Variants in DNAJC13 observed in about 807,000 individuals in gnomAD.
DNAJC13 encodes DnaJ heat shock protein family (Hsp40) member C13.
In DNAJC13, 75 loss-of-function variants were observed where a neutral mutation model predicts 290.5. That is an observed-to-expected ratio of 0.26 (90% confidence interval 0.21 to 0.31). The LOEUF is 0.31. Ranked by LOEUF, DNAJC13 falls within the 10% of genes least tolerant of loss-of-function variation. The pLI is 1.00. For synonymous variants in DNAJC13, 862 were observed against 892.0 expected (o/e 0.97, Z 0.60); for missense variants, 2,260 against 2,674.5 (o/e 0.85, Z 3.42).
At chr3:132,429,974 C>T (rs1197774174) in intron 1 of DNAJC13, among the ~76,000 whole-genome samples, 2 of 152,162 alleles carry the variant, frequency 1.3e-5, no homozygotes, top group Non-Finnish European at 2.9e-5. Context: ...GGAACTTGTA[C>T]TGATGATATG....
At chr3:132,455,028 T>C (rs1281998543) in intron 9 of DNAJC13, among the ~76,000 whole-genome samples, 2 of 152,170 alleles carry the variant, frequency 1.3e-5, no homozygotes, top group African/African-American at 2.4e-5. Context: ...AAAAAAAGGT[T>C]GTTAGTTAGA....
At position 132,483,506 on chromosome 3, in the gene DNAJC13, C is replaced by G; in HGVS notation, c.3111C>G (p.Val1037=). Residue 1037 remains valine, a synonymous_variant, in exon 28 of 56, where the codon GTC becomes GTG. Transcript: ENST00000260818. ...GTCTCTTAGCCAGTGGACAGGCTGT[C>G]CTGAATGAAACTGACCTTGCTACCC... ...KWCLLASGQA[V]LNETDLATLI... 6.2e-7 allele frequency: 1 copy of G among 1,614,084 alleles called. No homozygotes were observed. The highest frequency in any genetic ancestry group is 8.5e-7 in the Non-Finnish European group (1 of 1,179,994).
At chr3:132,445,366 A>G (rs1239067861) in intron 2 of DNAJC13, among the ~76,000 whole-genome samples, 3 of 152,154 alleles carry the variant, frequency 2.0e-5, no homozygotes, top group Non-Finnish European at 4.4e-5. Flanking sequence ...GTGTATTACT[A>G]TTTTAAAATG....
chr3:132,500,846 G>A lies in DNAJC13; in HGVS notation c.4469G>A (p.Cys1490Tyr). 1.9e-6 allele frequency: 3 copies of A among 1,614,060 alleles called. No homozygotes were observed. Among genetic ancestry groups the A allele is most frequent in the South Asian group, 2.2e-5 (2 of 91,076 alleles). The part of the protein sequence containing the change: ...CYSVAAQFEE[C>Y]REKITEMPSI... Reference sequence around the variant, plus strand: ...AGTGTGGCTGCTCAGTTTGAGGAATGCCGAGAGAAGATCACGGAAATGCCT... The same window carrying A: ...AGTGTGGCTGCTCAGTTTGAGGAATACCGAGAGAAGATCACGGAAATGCCT... Residue 1490 changes from cysteine (C) to tyrosine (Y), a missense_variant, in exon 39 of 56, where the codon TGC (cysteine) becomes TAC (tyrosine). By Grantham distance (194) the Cys-to-Tyr change is radical. Transcript: ENST00000260818.
chr3:132,499,326 C>T lies in DNAJC13; in HGVS notation c.4341+16C>T. 6.4e-7 allele frequency: 1 copy of T among 1,560,284 alleles called. No homozygotes were observed. Among genetic ancestry groups the T allele is most frequent in the South Asian group, 1.2e-5 (1 of 84,330 alleles). Reference sequence around the variant, plus strand: ...TGGACTAGAGGTAATACGGAGTGACCTTTGTGCTTTTTAAGCCAGTTTACA... The same window carrying T: ...TGGACTAGAGGTAATACGGAGTGACTTTTGTGCTTTTTAAGCCAGTTTACA... On this transcript the variant is annotated intron_variant, in intron 37 of 55. Coordinates refer to ENST00000260818, the MANE Select transcript of DNAJC13 (RefSeq NM_015268.4).
intron 1 of DNAJC13, among the ~76,000 whole-genome samples, chr3:132,434,188 C>A (rs564927440): frequency 1.4e-5 from 2 of 147,142 alleles, no homozygotes; most frequent in African/African-American, 5.0e-5. Flanking sequence ...CCAGCCTGGG[C>A]GACAGTGCGA....
intron 36 of DNAJC13, among the ~76,000 whole-genome samples, chr3:132,498,739 G>A (rs1026972822): frequency 6.0e-5 from 9 of 149,450 alleles, no homozygotes; most frequent in African/African-American, 2.2e-4. Flanking sequence ...TTTTTGAGAC[G>A]GAGGCTTGCC....
At position 132,463,708 on chromosome 3, in the gene DNAJC13, G is replaced by A; in HGVS notation, c.1783G>A (p.Glu595Lys). 1.9e-6 allele frequency: 3 copies of A among 1,612,834 alleles called. No individual in the cohort carries two copies. Among genetic ancestry groups the A allele is most frequent in the Non-Finnish European group, 2.5e-6 (3 of 1,179,176 alleles). The change falls in exon 17 of 56, where the codon GAA becomes AAA. Residue 595 changes from glutamate (E) to lysine (K), a missense_variant. Transcript: ENST00000260818. ...MKAIIEEGDKEIATKMQELAL... is the reference protein window; with the variant it reads ...MKAIIEEGDKKIATKMQELAL... ...CCTTTTTCCAAAGGAAGGTGATAAAGAAATTGCTACAAAAATGCAGGAGCT... is the reference window on the plus strand; with the variant it reads ...CCTTTTTCCAAAGGAAGGTGATAAAAAAATTGCTACAAAAATGCAGGAGCT...
At position 132,511,132 on chromosome 3, in the gene DNAJC13, A is replaced by G; in HGVS notation, c.5181A>G (p.Thr1727=). The G allele has an allele frequency of 6.2e-7, 1 of 1,614,042 alleles. No homozygotes were observed. The highest frequency in any genetic ancestry group is 8.5e-7 in the Non-Finnish European group (1 of 1,179,942). ...GCTCGCAGGCCCAATACTTGCACAC[A>G]TTCATGGCCATCACACACGCGGCAA... ...YIGSQAQYLH[T]FMAITHAAKV... The change falls in exon 44 of 56, where the codon ACA becomes ACG. Residue 1727 remains threonine, a synonymous_variant. Coordinates refer to ENST00000260818, the MANE Select transcript of DNAJC13 (RefSeq NM_015268.4).
chr3:132,533,052 C>T (rs1369781174), intron 55 of DNAJC13, among the ~76,000 whole-genome samples: 7 of 131,478 alleles, frequency 5.3e-5, no homozygotes, highest in African/African-American at 2.2e-4. Flanking sequence ...AGACACCACA[C>T]CTGGCTTTTT....
At chr3:132,500,060 T>C (rs1222267330) in intron 38 of DNAJC13, among the ~76,000 whole-genome samples, 1 of 152,236 alleles carries the variant, frequency 6.6e-6, no homozygotes, top group East Asian at 1.9e-4. Flanking sequence ...TTGTGATCTG[T>C]TGGCTTACGT....
chr3:132,469,999 T>A (rs1934141327), intron 20 of DNAJC13, among the ~76,000 whole-genome samples: 1 of 125,068 alleles, frequency 8.0e-6, no homozygotes, highest in Non-Finnish European at 1.7e-5. Flanking sequence ...TTTTAATTTA[T>A]TTTTTTATTG....
rs766219756 is a variant in DNAJC13, at chr3:132,453,277, T to A, written c.538-21T>A. 7.5e-6 allele frequency: 12 copies of A among 1,607,502 alleles called. No individual in the cohort carries two copies. In the Admixed American group the frequency reaches 1.2e-4, roughly 16 times the overall value. The stretch of plus-strand genomic sequence containing the variant: ...TTCAGTTGTTTCAACTCTGACTTTT[T>A]AAATTTCTAAATTTGTGCAGCATTT... On this transcript the variant is annotated intron_variant, in intron 6 of 55. Coordinates refer to ENST00000260818, the MANE Select transcript of DNAJC13 (RefSeq NM_015268.4).
At chr3:132,485,437 G>A (rs756824280) in intron 29 of DNAJC13, among the ~76,000 whole-genome samples, 13 of 152,218 alleles carry the variant, frequency 8.5e-5, no homozygotes, top group Non-Finnish European at 1.6e-4. Context: ...ACTGCACCCA[G>A]CTATTTCACT....
intron 55 of DNAJC13, among the ~76,000 whole-genome samples, chr3:132,537,581 GAAATATAAGACTA>G (rs1242618528): frequency 2.0e-5 from 3 of 152,212 alleles, no homozygotes; most frequent in African/African-American, 7.2e-5. Context: ...AATCAAGGGA[GAAATATAAGACTA>G]AAATATCAGT....
intron 29 of DNAJC13, among the ~76,000 whole-genome samples, chr3:132,487,064 C>T (rs1269038785): frequency 1.3e-5 from 2 of 151,888 alleles, no homozygotes; most frequent in African/African-American, 2.4e-5. Context: ...CTGTATGTTT[C>T]CTTTTTAAAA....
rs10663131 is a variant in DNAJC13, at chr3:132,487,559, A to ATTTTTTTTTTTTTTTTTTTTTTT, written c.3268-719_3268-718insTTTTTTTTTTTTTTTTTTTTTTT. Among the ~76,000 whole-genome samples, 104 of 110,428 alleles carry ATTTTTTTTTTTTTTTTTTTTTTT rather than the reference A, an allele frequency of 9.4e-4. 17 individuals are homozygous for ATTTTTTTTTTTTTTTTTTTTTTT. Among genetic ancestry groups the ATTTTTTTTTTTTTTTTTTTTTTT allele is most frequent in the African/African-American group, 4.9e-3 (92 of 18,774 alleles). 72.4% of individuals were successfully genotyped at this position (110,428 alleles called of 152,430 possible). A position where few individuals can be genotyped will look rare whatever the true frequency, so the allele number is the denominator to read the frequency against. ...GCGTGAGCCACCATGCCTGGCTGTA[A>ATTTTTTTTTTTTTTTTTTTTTTT]TTTTTTTTTTTTTTTTTTTTACTGG... On this transcript the variant is annotated intron_variant, in intron 29 of 55. Coordinates refer to ENST00000260818, the MANE Select transcript of DNAJC13 (RefSeq NM_015268.4).
At chr3:132,483,258 A>G in intron 27 of DNAJC13, 117 bp from the exon 28 acceptor site, 1 of 986,860 alleles carries the variant, frequency 1.0e-6, no homozygotes, top group South Asian at 1.7e-5. Flanking sequence ...TTTTTCTGAA[A>G]TAGTGTACTT....
At position 132,494,164 on chromosome 3, in the gene DNAJC13, C is replaced by A; in HGVS notation, c.3846C>A (p.Thr1282=). The change falls in exon 34 of 56, where the codon ACC becomes ACA. Residue 1282 remains threonine, a synonymous_variant. Coordinates refer to ENST00000260818, the MANE Select transcript of DNAJC13 (RefSeq NM_015268.4). ...TTAAGGTTAAGCTTCTAAAAGATACCCTTGATGCCTGGAAGAAAGAAGTAG... is the reference window on the plus strand; with the variant it reads ...TTAAGGTTAAGCTTCTAAAAGATACACTTGATGCCTGGAAGAAAGAAGTAG... The part of the protein sequence containing the change: ...IKDPVKLLKD[T]LDAWKKEVEK... 2 of 1,611,044 alleles carry A rather than the reference C, an allele frequency of 1.2e-6. No individual in the cohort carries two copies. Among genetic ancestry groups the A allele is most frequent in the Non-Finnish European group, 8.5e-7 (1 of 1,178,724 alleles).
Sources: allele counts gnomAD v4.1 joint callset (sites outside exome capture counted in the v4.1 genomes callset), GRCh38; gene constraint gnomAD v4.1.1; transcripts MANE v1.5; gene names NCBI Gene and HGNC (gene_info 2026-07-23, HGNC 2026-07-21).